The following ADPRHL1 variants were observed in gnomAD, a reference collection of about 807,000 sequenced individuals.
ADPRHL1 encodes the protein inactive ADP-ribosyltransferase ARH2.
Under a neutral mutation model 44.1 loss-of-function variants are expected in ADPRHL1, and 43 were observed. The ratio of observed to expected loss-of-function variants is 0.98; its 90% CI spans 0.76 to 1.26. The LOEUF (loss-of-function observed/expected upper bound fraction) is 1.26. Ranked by LOEUF, ADPRHL1 falls within the 50% of genes most tolerant of loss-of-function variation. ADPRHL1 has a pLI of 0.00. For missense variants in ADPRHL1, 2,022 were observed against 2,496.9 expected (o/e 0.81, Z 4.05); for synonymous variants, 878 against 1,017.4 (o/e 0.86, Z 2.61).
In ADPRHL1 at chr13:113,405,886, G is replaced by A. The variant is rs1482354350; in HGVS notation, c.3396C>T (p.Ser1132=). The A allele has an allele frequency of 1.6e-6, 2 of 1,231,856 alleles. No individual in the cohort carries two copies. The highest frequency in any genetic ancestry group is 6.3e-5 in the East Asian group (2 of 31,722). 76.3% of individuals were successfully genotyped at this position (1,231,856 alleles called of 1,614,324 possible). ...CTGTGCGGTCTCCAGGGCTCTGGGT[G>A]CTGCCTGGCGCTGGTGCAGGCGTGG... ...SRATPAPAPG[S]TQSPGDRTAG... Residue 1132 remains serine, a synonymous_variant, in exon 8 of 8, where the codon AGC becomes AGT. Transcript: ENST00000612156.
Position 113,407,818 on chromosome 13 carries a change from G to A in ADPRHL1, c.1464C>T (p.Ser488=), listed in dbSNP as rs1007176614. ...CCGGGTGGCCCCAGCGGGGCTTCTC[G>A]CTGAGGCAGGGCTTTGGGGCCGGCT... ...TKEPAPKPCL[S]EKPRWGHPAG... The change falls in exon 8 of 8, where the codon AGC becomes AGT. Residue 488 remains serine, a synonymous_variant. Coordinates refer to ENST00000612156, the MANE Select transcript of ADPRHL1 (RefSeq NM_001394807.1). The A allele has an allele frequency of 4.0e-5, 49 of 1,231,840 alleles. No individual in the cohort carries two copies. The highest frequency in any genetic ancestry group is 4.1e-5 in the Non-Finnish European group (41 of 988,012). 76.3% of individuals were successfully genotyped at this position (1,231,840 alleles called of 1,614,324 possible).
intron 6 of ADPRHL1, among the ~76,000 whole-genome samples, chr13:113,423,379 A>C (rs7338198): frequency 0.55 from 83,032 of 152,102 alleles, 23,294 homozygotes; most frequent in Middle Eastern, 0.67. Context: ...GGTGCCAGGA[A>C]GGTGCAGAAG....
At chr13:113,416,924 C>T (rs906996591) in intron 7 of ADPRHL1, among the ~76,000 whole-genome samples, 32 of 152,236 alleles carry the variant, frequency 2.1e-4, no homozygotes, top group Non-Finnish European at 8.8e-5. Context: ...CGTGCGAATG[C>T]ACGAGTGTGT....
chr13:113,447,805 G>A (rs145992806), intron 1 of ADPRHL1, among the ~76,000 whole-genome samples: 61 of 152,286 alleles, frequency 4.0e-4, no homozygotes, highest in African/African-American at 1.4e-3. Context: ...ACCCCTGGAT[G>A]GGGGTACAGC....
Position 113,425,040 on chromosome 13 carries a change from GA to G in ADPRHL1, c.774+11del. ...GTGCCAGACATTGCCCCAGTGCCAG[GA>G]CAAGGCTTACCTTTTCCCTCTCTTC... On this transcript the variant is annotated intron_variant, in intron 5 of 7. Transcript: ENST00000612156. 1 of 1,613,254 alleles carries G rather than the reference GA, an allele frequency of 6.2e-7. No homozygotes were observed. The highest frequency in any genetic ancestry group is 1.1e-5 in the South Asian group (1 of 91,052).
In ADPRHL1 at chr13:113,405,151, C is replaced by G; in HGVS notation, c.4131G>C (p.Leu1377=). Residue 1377 remains leucine (L), a synonymous_variant, in exon 8 of 8, where the codon CTG becomes CTC. Coordinates refer to ENST00000612156, the MANE Select transcript of ADPRHL1 (RefSeq NM_001394807.1). Reference sequence around the variant, plus strand: ...GTGCCTGGTGACTCTGTTGCCTCCCCAGGTCCGCCTGTGTCAGGGGACGCT... The same window carrying G: ...GTGCCTGGTGACTCTGTTGCCTCCCGAGGTCCGCCTGTGTCAGGGGACGCT... ...SQERPLTQAD[L]GRQQSHQAQE... The G allele has an allele frequency of 8.1e-7, 1 of 1,232,040 alleles. No individual in the cohort carries two copies. Among genetic ancestry groups the G allele is most frequent in the Non-Finnish European group, 1.0e-6 (1 of 988,178 alleles). The allele number at this position is 1,232,040 out of a possible 1,614,324, so 76.3% of individuals were successfully genotyped here. A position where few individuals can be genotyped will look rare whatever the true frequency, so the allele number is the denominator to read the frequency against.
chr13:113,430,109 C>T (rs536308978), intron 3 of ADPRHL1, among the ~76,000 whole-genome samples: 47 of 152,178 alleles, frequency 3.1e-4, no homozygotes, highest in Non-Finnish European at 4.3e-4. Context: ...GCACTGGGTG[C>T]GCAGCTCTCA....
At position 113,424,574 on chromosome 13, in the gene ADPRHL1, C is replaced by A. The variant is rs182398951; in HGVS notation, c.775-225G>T. Reference sequence around the variant, plus strand: ...GGTTCAAGCGATTCTCCTGCCTCAGCCTCCCGAGTAGTTGGGATTACAGGC... The same window carrying A: ...GGTTCAAGCGATTCTCCTGCCTCAGACTCCCGAGTAGTTGGGATTACAGGC... On this transcript the variant is annotated intron_variant, in intron 5 of 7. Coordinates refer to ENST00000612156, the MANE Select transcript of ADPRHL1 (RefSeq NM_001394807.1). Among the ~76,000 whole-genome samples the A allele has an allele frequency of 9.4e-3, 1,422 of 151,704 alleles. 20 individuals are homozygous for A. The highest frequency in any genetic ancestry group is 0.032 in the African/African-American group (1,308 of 41,332).
intron 1 of ADPRHL1, among the ~76,000 whole-genome samples, chr13:113,450,768 C>G (rs1305112078): frequency 6.6e-6 from 1 of 152,122 alleles, no homozygotes; most frequent in East Asian, 1.9e-4. Context: ...CTACTGCTAT[C>G]TAGAAGGCAG....
intron 7 of ADPRHL1, among the ~76,000 whole-genome samples, chr13:113,420,605 T>C (rs1411957805): frequency 6.6e-6 from 1 of 152,040 alleles, no homozygotes; most frequent in African/African-American, 2.4e-5. Context: ...GGGACCACAC[T>C]CCATGGACGT....
rs2044188799 is a variant in ADPRHL1, at chr13:113,453,171, G to A, written c.214+53C>T. 6.3e-7 allele frequency: 1 copy of A among 1,593,752 alleles called. No homozygotes were observed. The highest frequency in any genetic ancestry group is 8.6e-7 in the Non-Finnish European group (1 of 1,163,686). ...TCGGAGGCTTACTGGGAGAACTCGA[G>A]CAGCCAGTGTTCCCTCCAGCCCGCA... On this transcript the variant is annotated intron_variant, in intron 1 of 7. Transcript: ENST00000612156. The surrounding 1 kb of genome is among the most constrained non-coding windows in gnomAD (Gnocchi z 5.4).
intron 3 of ADPRHL1, among the ~76,000 whole-genome samples, chr13:113,432,008 G>A (rs1055786120): frequency 1.3e-5 from 2 of 152,184 alleles, no homozygotes; most frequent in Admixed American, 1.3e-4. Context: ...GTGAGCCACC[G>A]CGCCTGGCCG....
intron 6 of ADPRHL1, among the ~76,000 whole-genome samples, chr13:113,423,553 C>T (rs2043942168): frequency 6.6e-6 from 1 of 152,234 alleles, no homozygotes; most frequent in African/African-American, 2.4e-5. Flanking sequence ...AGCTCAGCTC[C>T]AAGCCTCACT....
At chr13:113,447,103 C>T (rs2044145828) in intron 1 of ADPRHL1, among the ~76,000 whole-genome samples, 1 of 141,616 alleles carries the variant, frequency 7.1e-6, no homozygotes, top group Admixed American at 7.3e-5. Flanking sequence ...TGTCTACAGT[C>T]ACGGTGTTGT....
At chr13:113,412,444 C>T (rs2043859249) in intron 7 of ADPRHL1, among the ~76,000 whole-genome samples, 1 of 152,222 alleles carries the variant, frequency 6.6e-6, no homozygotes, top group African/African-American at 2.4e-5. Context: ...TCCCAAAGTG[C>T]TGGGATGACA....
chr13:113,438,855 TTTC>T (rs959389599), intron 2 of ADPRHL1, among the ~76,000 whole-genome samples: 8 of 152,160 alleles, frequency 5.3e-5, no homozygotes, highest in East Asian at 1.9e-4. Context: ...GGTTGCTTGC[TTTC>T]TTCTTCTTAA....
Position 113,401,450 on chromosome 13 carries a change from C to G in ADPRHL1, c.*1928G>C, listed in dbSNP as rs921879884. 1.3e-5 allele frequency: 2 copies of G among 152,532 alleles called. No individual in the cohort carries two copies. Among genetic ancestry groups the G allele is most frequent in the Admixed American group, 6.5e-5 (1 of 15,300 alleles). 9.4% of individuals were successfully genotyped at this position (152,532 alleles called of 1,614,324 possible). A position where few individuals can be genotyped will look rare whatever the true frequency, so the allele number is the denominator to read the frequency against. On this transcript the variant is annotated 3_prime_UTR_variant, in exon 8 of 8. Coordinates refer to ENST00000612156, the MANE Select transcript of ADPRHL1 (RefSeq NM_001394807.1). The surrounding 1 kb of genome is among the most constrained non-coding windows in gnomAD (Gnocchi z 5.5). ...TACACGCCATGCTCAGCTCTGCCCC[C>G]ACCCGCACCCCCGGACCATCCTGTG...
chr13:113,409,750 G>C lies in ADPRHL1; in HGVS notation c.1062-1530C>G, dbSNP rs1487654233. On this transcript the variant is annotated intron_variant, in intron 7 of 7. Transcript: ENST00000612156. This position sits in a 1 kb window ranked among gnomAD's most constrained non-coding sequence, Gnocchi z 4.2. ...AGATATAAAAAAAAATCAGCCGGGC[G>C]TGGTGGCGGGCGCCTGTAGTCCCAG... 3.1e-6 allele frequency: 2 copies of C among 644,282 alleles called. No homozygotes were observed. Among genetic ancestry groups the C allele is most frequent in the Non-Finnish European group, 3.9e-6 (2 of 518,490 alleles). 39.9% of individuals were successfully genotyped at this position (644,282 alleles called of 1,614,324 possible).
In ADPRHL1 at chr13:113,441,011, G is replaced by C. The variant is rs1022391760; in HGVS notation, c.379+3414C>G. ...CTACTAAAAATTCAAAAATTAGCCA[G>C]GTGTGGTGGTGGGCGCCCGTAGTCC... On this transcript the variant is annotated intron_variant, in intron 2 of 7. Coordinates refer to ENST00000612156, the MANE Select transcript of ADPRHL1 (RefSeq NM_001394807.1). The surrounding 1 kb of genome is among the most constrained non-coding windows in gnomAD (Gnocchi z 6.0). 1.3e-5 allele frequency among the ~76,000 whole-genome samples: 2 copies of C among 152,132 alleles called. No homozygotes were observed. Among genetic ancestry groups the C allele is most frequent in the African/African-American group, 4.8e-5 (2 of 41,448 alleles).
Sources: gnomAD v4.1 joint callset for allele counts (sites outside exome capture counted in the v4.1 genomes callset) on GRCh38, gnomAD v4.1.1 for gene constraint, Gnocchi (gnomAD v3.1) non-coding constraint, MANE v1.5 for transcripts, NCBI Gene and HGNC (gene_info 2026-07-23, HGNC 2026-07-21) for gene names.